The following APP variants were observed in gnomAD, a reference collection of about 807,000 sequenced individuals.
APP encodes the protein amyloid-beta precursor protein.
A neutral mutation model predicts 101.4 loss-of-function variants in APP; 31 were observed. That is an observed-to-expected ratio of 0.31 (90% CI 0.23 to 0.41). The LOEUF is 0.41. APP is among the 10% of genes least tolerant of loss of function. APP has a pLI of 1.00. For synonymous variants in APP, 366 were observed against 364.4 expected, an observed-to-expected ratio of 1.00 and a Z score of -0.05; for missense variants, 839 against 1,003.7, an observed-to-expected ratio of 0.84 and a Z score of 2.22.
chr21:25,908,769 T>C (rs2038916090), intron 14 of APP, among the ~76,000 whole-genome samples: 1 of 152,138 alleles, frequency 6.6e-6, no homozygotes, highest in South Asian at 2.1e-4. Context: ...CCTTCTTATT[T>C]AATGCTCATA....
chr21:25,907,206 C>T lies in APP; in HGVS notation c.1910-2129G>A, dbSNP rs559500795. Reference sequence around the variant, plus strand: ...TTAAAAACAATAATAAAACCCTAACCCTATTTTTTAGGAAGATTAAACAAA... The same window carrying T: ...TTAAAAACAATAATAAAACCCTAACTCTATTTTTTAGGAAGATTAAACAAA... On this transcript the variant is annotated intron_variant, in intron 14 of 17. Transcript: ENST00000346798. Among the ~76,000 whole-genome samples the T allele has an allele frequency of 2.0e-5, 3 of 152,174 alleles. No homozygotes were observed. In the East Asian group the frequency reaches 5.8e-4, roughly 29 times the overall value.
chr21:26,035,267 C>CA (rs1040379596), intron 5 of APP, among the ~76,000 whole-genome samples: 7 of 152,060 alleles, frequency 4.6e-5, no homozygotes, highest in African/African-American at 1.4e-4. Context: ...ACCTTGTCTC[C>CA]AAAAAACAGA....
chr21:26,165,031 AATAC>A (rs1248506394), intron 1 of APP, among the ~76,000 whole-genome samples: 2 of 152,230 alleles, frequency 1.3e-5, no homozygotes, highest in African/African-American at 4.8e-5. Flanking sequence ...TGAAATACAC[AATAC>A]ATATTTAATA....
intron 5 of APP, among the ~76,000 whole-genome samples, chr21:26,045,330 TG>T (rs2045563057): frequency 6.6e-6 from 1 of 151,934 alleles, no homozygotes; most frequent in Admixed American, 6.6e-5. Flanking sequence ...GTATTTGAAA[TG>T]TAGAACCAGT....
intron 14 of APP, among the ~76,000 whole-genome samples, chr21:25,908,647 T>C (rs756681832): frequency 9.9e-5 from 15 of 151,978 alleles, no homozygotes; most frequent in Non-Finnish European, 1.9e-4. Context: ...GTGATTCATC[T>C]TGAGACAGGC....
chr21:25,995,517 G>A (rs1411933292), intron 8 of APP, among the ~76,000 whole-genome samples: 2 of 152,172 alleles, frequency 1.3e-5, no homozygotes, highest in African/African-American at 4.8e-5. Flanking sequence ...AAGTCACTAA[G>A]CTCTTGAAGC....
At chr21:26,112,260 G>GAT in intron 1 of APP, 114 bp from the exon 2 acceptor site, 2 of 1,130,652 alleles carry the variant, frequency 1.8e-6, no homozygotes, top group East Asian at 4.8e-5. Flanking sequence ...TCTCAATTAG[G>GAT]AATCAGCCCG....
intron 8 of APP, among the ~76,000 whole-genome samples, chr21:25,995,726 A>C (rs2043028494): frequency 6.6e-6 from 1 of 152,226 alleles, no homozygotes; most frequent in African/African-American, 2.4e-5. Flanking sequence ...TTAGAGAAAA[A>C]TGCTTTTTTC....
At chr21:26,138,813 T>C (rs959876117) in intron 1 of APP, among the ~76,000 whole-genome samples, 1 of 152,178 alleles carries the variant, frequency 6.6e-6, no homozygotes. Context: ...TATTTATCCA[T>C]TGCAAACACA....
chr21:25,881,533 G>T lies in APP; in HGVS notation c.*137C>A. The T allele has an allele frequency of 1.1e-6, 1 of 931,758 alleles. No individual in the cohort carries two copies. The highest frequency in any genetic ancestry group is 1.7e-6 in the Non-Finnish European group (1 of 579,570). The allele number at this position is 931,758 out of a possible 1,614,324, so 57.7% of individuals were successfully genotyped here. ...AGTTCAGGCATCTACTTGTGTTACA[G>T]CACAGCTGTCAAAAGGCGATAATGA... On this transcript the variant is annotated 3_prime_UTR_variant, in exon 18 of 18. Coordinates refer to ENST00000346798, the MANE Select transcript of APP (RefSeq NM_000484.4).
chr21:25,883,437 T>C (rs2037121940), intron 17 of APP, among the ~76,000 whole-genome samples: 1 of 149,058 alleles, frequency 6.7e-6, no homozygotes, highest in South Asian at 2.1e-4. Flanking sequence ...TGGCTCAAAA[T>C]CCCAGCCCTT....
At chr21:26,099,976 C>CA (rs1308752983) in intron 2 of APP, among the ~76,000 whole-genome samples, 1 of 152,188 alleles carries the variant, frequency 6.6e-6, no homozygotes, top group African/African-American at 2.4e-5. Flanking sequence ...CTTTCATACT[C>CA]AGAGTTGGAA....
At chr21:26,158,600 C>T (rs1301508272) in intron 1 of APP, among the ~76,000 whole-genome samples, 1 of 152,170 alleles carries the variant, frequency 6.6e-6, no homozygotes, top group East Asian at 1.9e-4. Context: ...AATATCAATG[C>T]CTCGTCCCCA....
intron 7 of APP, among the ~76,000 whole-genome samples, chr21:25,998,416 G>A (rs73899748): frequency 0.042 from 6,354 of 150,498 alleles, 441 homozygotes; most frequent in African/African-American, 0.15. Context: ...AAGCCCTTGA[G>A]GTTATCAGTT....
chr21:26,035,225 C>T (rs940140066), intron 5 of APP, among the ~76,000 whole-genome samples: 2 of 152,176 alleles, frequency 1.3e-5, no homozygotes, highest in Non-Finnish European at 2.9e-5. Context: ...CATGATCATG[C>T]CACTGCACTC....
intron 13 of APP, among the ~76,000 whole-genome samples, chr21:25,920,251 C>G (rs927761605): frequency 5.3e-5 from 8 of 152,030 alleles, no homozygotes; most frequent in African/African-American, 1.9e-4. Flanking sequence ...AAGGAACAAC[C>G]GGTACCAGCC....
intron 2 of APP, among the ~76,000 whole-genome samples, chr21:26,102,082 G>GGTT (rs1555875756): frequency 9.9e-6 from 1 of 101,144 alleles, no homozygotes; most frequent in African/African-American, 3.9e-5. Flanking sequence ...AAACTATGTG[G>GGTT]TTTTTTTTTT....
intron 15 of APP, among the ~76,000 whole-genome samples, chr21:25,901,625 T>G (rs914272365): frequency 6.6e-6 from 1 of 152,232 alleles, no homozygotes; most frequent in East Asian, 1.9e-4. Flanking sequence ...ATAATGCATG[T>G]AATAAAATGT....
chr21:26,143,860 G>A (rs1231293676), intron 1 of APP, among the ~76,000 whole-genome samples: 2 of 152,216 alleles, frequency 1.3e-5, no homozygotes, highest in South Asian at 2.1e-4. Context: ...CCAGGGGCCT[G>A]GATTTCAACC....
Sources: gnomAD v4.1 joint callset for allele counts (sites outside exome capture counted in the v4.1 genomes callset) on GRCh38, gnomAD v4.1.1 for gene constraint, MANE v1.5 for transcripts, NCBI Gene and HGNC (gene_info 2026-07-23, HGNC 2026-07-21) for gene names.